DENND11: variants seen among roughly 807,000 people sequenced by gnomAD.
DENND11 encodes DENN domain containing 11.
DENND11 carries 34 observed loss-of-function variants against 49.2 expected under a neutral mutation model. The ratio of observed to expected loss-of-function variants is 0.69; its 90% CI spans 0.53 to 0.92. The LOEUF is 0.92. Among genes scored for constraint, DENND11 ranks in the 40% least tolerant of loss-of-function variants. The pLI, the probability that DENND11 is intolerant of heterozygous loss-of-function variation, is 0.00. For synonymous variants in DENND11, 238 were observed against 230.3 expected (o/e 1.03, Z -0.30); for missense variants, 475 against 581.6 (o/e 0.82, Z 1.88).
Position 141,664,182 on chromosome 7 carries a change from G to T in DENND11, c.1162C>A (p.Leu388Ile). ...EEDYNPCEEDLFVLFFLEQNN... is the reference protein window; with the variant it reads ...EEDYNPCEEDIFVLFFLEQNN... The stretch of plus-strand genomic sequence containing the variant: ...GGCCCCAGGACTCACAGCACGAAGA[G>T]GTCCTCTTCACAAGGGTTGTAGTCT... The change falls in exon 8 of 9, where the codon CTC becomes ATC. Residue 388 changes from leucine to isoleucine, a missense_variant. Physicochemically the swap from Leu to Ile is conservative, Grantham distance 5. Coordinates refer to ENST00000536163, the MANE Select transcript of DENND11 (RefSeq NM_001080392.2). 6.3e-7 allele frequency: 1 copy of T among 1,581,436 alleles called. No individual in the cohort carries two copies. The highest frequency in any genetic ancestry group is 2.3e-5 in the East Asian group (1 of 43,474).
At position 141,685,470 on chromosome 7, in the gene DENND11, C is replaced by A. The variant is rs1563002406; in HGVS notation, c.527+8G>T. 4 of 1,613,414 alleles carry A rather than the reference C, an allele frequency of 2.5e-6. No individual in the cohort carries two copies. The highest frequency in any genetic ancestry group is 3.4e-6 in the Non-Finnish European group (4 of 1,179,806). ...CTGCCTCCCTGCACATGTACGGAAGCCACGTACCGAACCTGGTTCTCCAAG... is the reference window on the plus strand; with the variant it reads ...CTGCCTCCCTGCACATGTACGGAAGACACGTACCGAACCTGGTTCTCCAAG... On this transcript the variant is annotated splice_region_variant and intron_variant, in intron 3 of 8. Coordinates refer to ENST00000536163, the MANE Select transcript of DENND11 (RefSeq NM_001080392.2).
At chr7:141,667,302 G>A (rs1587203592) in intron 4 of DENND11, among the ~76,000 whole-genome samples, 1 of 152,166 alleles carries the variant, frequency 6.6e-6, no homozygotes, top group South Asian at 2.1e-4. Context: ...TAGGGGTTAA[G>A]AGCATAAGCT....
chr7:141,685,058 A>ATATATT (rs1554410137), intron 3 of DENND11, among the ~76,000 whole-genome samples: 2 of 128,896 alleles, frequency 1.6e-5, no homozygotes, highest in Non-Finnish European at 3.3e-5. Context: ...ATATATATAT[A>ATATATT]TTTTTAAGTT....
intron 1 of DENND11, among the ~76,000 whole-genome samples, chr7:141,692,739 G>T (rs927551456): frequency 3.3e-5 from 5 of 152,034 alleles, no homozygotes; most frequent in Admixed American, 6.6e-5. Flanking sequence ...TAGCTACCTG[G>T]GAGGCTGGGG....
intron 1 of DENND11, among the ~76,000 whole-genome samples, chr7:141,694,867 T>G (rs894049904): frequency 5.9e-5 from 9 of 152,198 alleles, no homozygotes; most frequent in Non-Finnish European, 2.9e-5. Context: ...CACCTCGTTC[T>G]GGGCCATGCC....
intron 4 of DENND11, among the ~76,000 whole-genome samples, chr7:141,671,245 T>C (rs1181681800): frequency 6.6e-6 from 1 of 152,166 alleles, no homozygotes; most frequent in Admixed American, 6.5e-5. Context: ...GGTGCGATGT[T>C]GGCTCACTGC....
intron 3 of DENND11, among the ~76,000 whole-genome samples, chr7:141,677,961 C>CTT (rs796426020): frequency 6.8e-6 from 1 of 146,268 alleles, no homozygotes; most frequent in Non-Finnish European, 1.5e-5. Flanking sequence ...CCTCAATAAT[C>CTT]TTTTTTTTTT....
intron 3 of DENND11, among the ~76,000 whole-genome samples, chr7:141,681,149 A>G (rs1798141509): frequency 6.6e-6 from 1 of 152,204 alleles, no homozygotes; most frequent in Non-Finnish European, 1.5e-5. Flanking sequence ...ACCCTGTGTC[A>G]TCTGAATTTG....
chr7:141,677,513 A>ATATATGTATATATATATATG (rs1468453661), intron 3 of DENND11, among the ~76,000 whole-genome samples: 7 of 130,520 alleles, frequency 5.4e-5, no homozygotes, highest in Non-Finnish European at 1.1e-4. Context: ...GTATATATAT[A>ATATATGTATATATATATATG]TATATATGTA....
chr7:141,670,972 T>C (rs889946086), intron 4 of DENND11, among the ~76,000 whole-genome samples: 2 of 152,160 alleles, frequency 1.3e-5, no homozygotes, highest in South Asian at 2.1e-4. Context: ...TACCAAGGAA[T>C]GATGAGTTTT....
chr7:141,668,080 C>G (rs1797922523), intron 4 of DENND11, among the ~76,000 whole-genome samples: 1 of 152,220 alleles, frequency 6.6e-6, no homozygotes, highest in African/African-American at 2.4e-5. Context: ...TCTTCAAGCT[C>G]CCAACTTGTT....
chr7:141,674,873 C>T (rs914731943), intron 3 of DENND11, among the ~76,000 whole-genome samples: 26 of 152,140 alleles, frequency 1.7e-4, no homozygotes, highest in African/African-American at 6.3e-4. Context: ...ACCCCAGAAC[C>T]CAGAAGGCAG....
At chr7:141,677,422 TAC>T (rs60152716) in intron 3 of DENND11, among the ~76,000 whole-genome samples, 51,145 of 123,782 alleles carry the variant, frequency 0.41, 10,853 homozygotes, top group East Asian at 0.64. Flanking sequence ...TATATATATA[TAC>T]ACATATATAT....
At chr7:141,667,663 C>T (rs1483194399) in intron 4 of DENND11, among the ~76,000 whole-genome samples, 2 of 152,142 alleles carry the variant, frequency 1.3e-5, no homozygotes, top group Admixed American at 6.5e-5. Context: ...CACCGACTCT[C>T]GGGCTGCGTG....
At chr7:141,667,371 CT>C (rs1303041524) in intron 4 of DENND11, among the ~76,000 whole-genome samples, 1 of 152,180 alleles carries the variant, frequency 6.6e-6, no homozygotes, top group African/African-American at 2.4e-5. Flanking sequence ...ACAGGGAGAT[CT>C]GGGGAAAGTT....
intron 1 of DENND11, among the ~76,000 whole-genome samples, chr7:141,694,204 G>T (rs546702113): frequency 6.6e-6 from 1 of 152,136 alleles, no homozygotes; most frequent in Non-Finnish European, 1.5e-5. Context: ...ACTGCCCTAA[G>T]AGTGGCAATG....
chr7:141,675,839 T>C (rs999051398), intron 3 of DENND11, among the ~76,000 whole-genome samples: 2 of 152,250 alleles, frequency 1.3e-5, no homozygotes, highest in Non-Finnish European at 2.9e-5. Flanking sequence ...GTAAGATGGA[T>C]GATAGCGCCA....
chr7:141,662,457 G>T lies in DENND11; in HGVS notation c.*199C>A. On this transcript the variant is annotated 3_prime_UTR_variant, in exon 9 of 9. Coordinates refer to ENST00000536163, the MANE Select transcript of DENND11 (RefSeq NM_001080392.2). ...CAGATTCCAATATCCTAACATGGCA[G>T]GACACAAAACCAAGGTGATCTCACC... 1 of 444,108 alleles carries T rather than the reference G, an allele frequency of 2.3e-6. No homozygotes were observed. The highest frequency in any genetic ancestry group is 3.9e-6 in the Non-Finnish European group (1 of 255,106). 27.5% of individuals were successfully genotyped at this position (444,108 alleles called of 1,614,324 possible). A position where few individuals can be genotyped will look rare whatever the true frequency, so the allele number is the denominator to read the frequency against.
rs1448923950 is a variant in DENND11 at position 141,661,019 on chromosome 7, TCA to T, written c.*1635_*1636del. On this transcript the variant is annotated 3_prime_UTR_variant, in exon 9 of 9. Coordinates refer to ENST00000536163, the MANE Select transcript of DENND11 (RefSeq NM_001080392.2). The stretch of plus-strand genomic sequence containing the variant: ...TTTGCATTTCCACATGTGAATTTCT[TCA>T]GTTTTGATATTCCATATGAAGGAGC... 6.6e-6 allele frequency: 1 copy of T among 152,262 alleles called. No individual in the cohort carries two copies. The highest frequency in any genetic ancestry group is 2.4e-5 in the African/African-American group (1 of 41,458). The allele number at this position is 152,262 out of a possible 1,614,324, so 9.4% of individuals were successfully genotyped here.
Sources: allele counts gnomAD v4.1 joint callset (sites outside exome capture counted in the v4.1 genomes callset), GRCh38; gene constraint gnomAD v4.1.1; transcripts MANE v1.5; gene names NCBI Gene and HGNC (gene_info 2026-07-23, HGNC 2026-07-21).